DIAPH2: variants seen among roughly 807,000 people sequenced by gnomAD.
The protein encoded by DIAPH2 is protein diaphanous homolog 2.
In DIAPH2, 35 loss-of-function variants were observed where a neutral mutation model predicts 92.7. The observed-to-expected ratio is 0.38, with a 90% CI of 0.29 to 0.50. DIAPH2 has a LOEUF of 0.50. Among genes scored for constraint, DIAPH2 ranks in the 20% least tolerant of loss-of-function variants. The pLI, the probability that DIAPH2 is intolerant of heterozygous loss-of-function variation, is 0.94. For missense variants in DIAPH2, 701 were observed against 819.5 expected (o/e 0.86, Z 1.77); for synonymous variants, 301 against 280.4 (o/e 1.07, Z -0.73).
Position 96,789,764 on chromosome X carries a change from T to A in DIAPH2, c.447+31506T>A, listed in dbSNP as rs113878278. On this transcript the variant is annotated intron_variant, in intron 4 of 26. Coordinates refer to ENST00000324765, the MANE Select transcript of DIAPH2 (RefSeq NM_006729.5). ...CATACCTGATCCCCACTCCCCCAAC[T>A]AGAGCTTGAAAGCTTGCTGAAAGTA... 8.2e-3 allele frequency among the ~76,000 whole-genome samples: 920 copies of A among 111,950 alleles called. 8 individuals are homozygous for A. The highest frequency in any genetic ancestry group is 0.029 in the African/African-American group (879 of 30,827).
chrX:96,748,830 GCTGA>G (rs1430035231), intron 3 of DIAPH2, among the ~76,000 whole-genome samples: 1 of 111,252 alleles, frequency 9.0e-6, no homozygotes, highest in Admixed American at 9.6e-5. Context: ...TGTATATCCT[GCTGA>G]CTAAGAATGG....
intron 17 of DIAPH2, among the ~76,000 whole-genome samples, chrX:96,988,165 T>A (rs1275661521): frequency 1.8e-5 from 2 of 109,413 alleles, no homozygotes; most frequent in African/African-American, 6.6e-5. Flanking sequence ...ATTAAGGCGA[T>A]GTGATCTTGA....
chrX:97,553,637 G>C (rs1447343003), intron 26 of DIAPH2, among the ~76,000 whole-genome samples: 1 of 101,802 alleles, frequency 9.8e-6, no homozygotes, highest in East Asian at 3.1e-4. Flanking sequence ...TCTCTGGCTG[G>C]CTTTAAAAAA....
At chrX:97,507,224 G>A (rs1464368455) in intron 26 of DIAPH2, among the ~76,000 whole-genome samples, 2 of 105,100 alleles carry the variant, frequency 1.9e-5, no homozygotes, top group African/African-American at 3.5e-5. Flanking sequence ...TGCAGAATAC[G>A]CATCTTATTT....
At chrX:97,379,860 A>G (rs1302490451) in intron 24 of DIAPH2, among the ~76,000 whole-genome samples, 1 of 111,588 alleles carries the variant, frequency 9.0e-6, no homozygotes, top group African/African-American at 3.3e-5. Context: ...TGTAGACCTG[A>G]CCTGAATGAG....
chrX:97,080,222 A>G (rs2066732378), intron 19 of DIAPH2, among the ~76,000 whole-genome samples: 1 of 98,754 alleles, frequency 1.0e-5, no homozygotes, highest in Non-Finnish European at 2.1e-5. Flanking sequence ...CATTCTTTTC[A>G]TTCCCTTCCT....
intron 25 of DIAPH2, among the ~76,000 whole-genome samples, chrX:97,401,932 A>G (rs1379267064): frequency 8.9e-6 from 1 of 112,621 alleles, no homozygotes; most frequent in Non-Finnish European, 1.9e-5. Flanking sequence ...GTTAAATATT[A>G]GAACTGAGTC....
rs763212201 is a variant in DIAPH2, at chrX:96,967,687, G to A, written c.2050+2480G>A. Among the ~76,000 whole-genome samples, 652 of 110,790 alleles carry A rather than the reference G, an allele frequency of 5.9e-3. 2 individuals carry two copies. The highest frequency in any genetic ancestry group is 0.014 in the Middle Eastern group (3 of 216). On this transcript the variant is annotated intron_variant, in intron 17 of 26. Coordinates refer to ENST00000324765, the MANE Select transcript of DIAPH2 (RefSeq NM_006729.5). The stretch of plus-strand genomic sequence containing the variant: ...CCGCCTCGACCTCCCAAAGTGCTAG[G>A]ATTACAGGCGTGACCCACCATGCCT...
intron 17 of DIAPH2, among the ~76,000 whole-genome samples, chrX:97,068,045 T>C (rs1268938389): frequency 1.8e-5 from 2 of 111,951 alleles, no homozygotes; most frequent in Non-Finnish European, 3.8e-5. Context: ...CTGTCAACCA[T>C]TGGCATAATC....
chrX:97,383,790 G>A (rs931908299), intron 24 of DIAPH2, 119 bp from the exon 25 acceptor site: 1 of 619,658 alleles, frequency 1.6e-6, no homozygotes, highest in African/African-American at 2.3e-5. Context: ...TAATGGAAAG[G>A]TTTTTGTTTA....
chrX:97,544,245 T>A (rs2071162859), intron 26 of DIAPH2, among the ~76,000 whole-genome samples: 1 of 112,020 alleles, frequency 8.9e-6, no homozygotes, highest in Admixed American at 9.5e-5. Flanking sequence ...TTAAATTGCA[T>A]TCCAAGCATA....
intron 5 of DIAPH2, among the ~76,000 whole-genome samples, chrX:96,902,875 A>T (rs2065407546): frequency 3.6e-5 from 4 of 111,657 alleles, no homozygotes; most frequent in African/African-American, 1.3e-4. Flanking sequence ...TGGACTTGCT[A>T]AAATGTTTTT....
At chrX:96,762,971 A>G (rs1569387500) in intron 4 of DIAPH2, 1 of 336,776 alleles carries the variant, frequency 3.0e-6, no homozygotes, top group Non-Finnish European at 4.4e-6. Context: ...TATCAAAAAT[A>G]TAAATAGGGT....
chrX:97,507,869 G>A (rs2070848560), intron 26 of DIAPH2, among the ~76,000 whole-genome samples: 1 of 111,302 alleles, frequency 9.0e-6, no homozygotes, highest in African/African-American at 3.3e-5. Flanking sequence ...AGAGAGTGCT[G>A]AGAGGAGAGT....
chrX:97,242,385 A>G (rs191161139), intron 22 of DIAPH2, among the ~76,000 whole-genome samples: 1,490 of 108,033 alleles, frequency 0.014, 34 homozygotes, highest in African/African-American at 0.048. Flanking sequence ...TTTTCTTGAG[A>G]CAGAGTTTCA....
At chrX:96,961,075 G>A (rs905247628) in intron 16 of DIAPH2, among the ~76,000 whole-genome samples, 15 of 111,378 alleles carry the variant, frequency 1.3e-4, no homozygotes, top group Non-Finnish European at 1.9e-4. Context: ...TTTGGTTTTC[G>A]TATTGGGGTA....
intron 21 of DIAPH2, among the ~76,000 whole-genome samples, chrX:97,120,713 A>C (rs2067051605): frequency 9.7e-6 from 1 of 102,623 alleles, no homozygotes; most frequent in Non-Finnish European, 1.9e-5. Context: ...AATGTGGCCC[A>C]GGGAAGCCAA....
At chrX:97,178,118 G>T (rs1194759228) in intron 22 of DIAPH2, among the ~76,000 whole-genome samples, 1 of 110,015 alleles carries the variant, frequency 9.1e-6, no homozygotes, top group Non-Finnish European at 1.9e-5. Flanking sequence ...TGCTGGGGAT[G>T]GGGGGCCTTG....
At chrX:97,303,616 C>T (rs1832380882) in intron 23 of DIAPH2, among the ~76,000 whole-genome samples, 2 of 111,188 alleles carry the variant, frequency 1.8e-5, no homozygotes, top group African/African-American at 6.5e-5. Flanking sequence ...CAGGATGTTA[C>T]AATAATGTTA....
Sources: allele counts gnomAD v4.1 joint callset (sites outside exome capture counted in the v4.1 genomes callset), GRCh38; gene constraint gnomAD v4.1.1; transcripts MANE v1.5; gene names NCBI Gene and HGNC (gene_info 2026-07-23, HGNC 2026-07-21).